MCTP2: variants seen among roughly 807,000 people sequenced by gnomAD.
MCTP2 encodes multiple C2 and transmembrane domain containing 2, also known as multiple C2 and transmembrane domain-containing protein 2.
In MCTP2, 132 loss-of-function variants were observed where a neutral mutation model predicts 111.6. The ratio of observed to expected loss-of-function variants is 1.18; its 90% CI spans 1.03 to 1.37. The LOEUF is 1.37. Among genes scored for constraint, MCTP2 ranks in the 40% most tolerant of loss-of-function variants. The pLI is 0.00. For missense variants in MCTP2, 1,183 were observed against 1,067.9 expected (o/e 1.11, Z -1.50); for synonymous variants, 395 against 387.7 (o/e 1.02, Z -0.22).
At chr15:94,233,736 ATTTC>A (rs1488467559) in intron 1 of MCTP2, among the ~76,000 whole-genome samples, 5 of 152,304 alleles carry the variant, frequency 3.3e-5, no homozygotes, top group African/African-American at 1.2e-4. Flanking sequence ...ACAACTGACA[ATTTC>A]TTTAAGTGCA....
intron 19 of MCTP2, among the ~76,000 whole-genome samples, chr15:94,456,652 AAAAGT>A (rs1222131704): frequency 6.6e-6 from 1 of 152,230 alleles, no homozygotes; most frequent in African/African-American, 2.4e-5. Flanking sequence ...ATTAGGATAA[AAAAGT>A]AAAAGTATCT....
At chr15:94,414,268 A>G (rs114464422) in intron 17 of MCTP2, among the ~76,000 whole-genome samples, 2,471 of 152,184 alleles carry the variant, frequency 0.016, 78 homozygotes, top group African/African-American at 0.056. Flanking sequence ...AATTTTTTTT[A>G]TGATATAATA....
At chr15:94,437,201 G>A (rs563712435) in intron 17 of MCTP2, among the ~76,000 whole-genome samples, 4 of 145,504 alleles carry the variant, frequency 2.7e-5, no homozygotes, top group East Asian at 2.0e-4. Flanking sequence ...TAGGAGGAAC[G>A]TAACATATAG....
At chr15:94,474,861 T>TC (rs1472278923) in intron 21 of MCTP2, among the ~76,000 whole-genome samples, 1 of 148,312 alleles carries the variant, frequency 6.7e-6, no homozygotes, top group East Asian at 1.9e-4. Flanking sequence ...TATCCTAAGT[T>TC]TTTTTTTTTC....
At chr15:94,264,097 T>G (rs2073364130) in intron 1 of MCTP2, among the ~76,000 whole-genome samples, 1 of 152,136 alleles carries the variant, frequency 6.6e-6, no homozygotes, top group Admixed American at 6.6e-5. Flanking sequence ...CTACTTCCAC[T>G]TGAACAAGTG....
At position 94,379,056 on chromosome 15, in the gene MCTP2, G is replaced by GTT. The variant is rs1196936486; in HGVS notation, c.1583-4961_1583-4960dup. 8.0e-3 allele frequency among the ~76,000 whole-genome samples: 1,201 copies of GTT among 150,648 alleles called. 9 individuals carry two copies. Among genetic ancestry groups the GTT allele is most frequent in the African/African-American group, 0.029 (1,156 of 40,282 alleles). On this transcript the variant is annotated intron_variant, in intron 12 of 22. Transcript: ENST00000357742. ...AGGTTAAACTAGGCCTGAGAAGTTA[G>GTT]TTTTTTGTTTTTTGTTTTTTTTTTT... is the stretch of plus-strand genomic sequence containing the variant.
intron 19 of MCTP2, among the ~76,000 whole-genome samples, chr15:94,450,172 G>A (rs2084353527): frequency 6.6e-6 from 1 of 151,892 alleles, no homozygotes; most frequent in Admixed American, 6.6e-5. Flanking sequence ...TGAACAGATA[G>A]AGCAATATAA....
chr15:94,341,016 G>A, intron 7 of MCTP2, 92 bp downstream of exon 7: 1 of 796,500 alleles, frequency 1.3e-6, no homozygotes, highest in Non-Finnish European at 2.2e-6. Flanking sequence ...GCAGATGACT[G>A]ATGTTTTTGC....
In MCTP2 at chr15:94,407,812, CACACAT is replaced by C. The variant is rs1007062509; in HGVS notation, c.2085+5794_2085+5799del. 1.9e-4 allele frequency among the ~76,000 whole-genome samples: 28 copies of C among 144,230 alleles called. No individual in the cohort carries two copies. In the East Asian group the frequency reaches 3.0e-3, roughly 16 times the overall value. 94.6% of individuals were successfully genotyped at this position (144,230 alleles called of 152,430 possible). A position where few individuals can be genotyped will look rare whatever the true frequency, so the allele number is the denominator to read the frequency against. On this transcript the variant is annotated intron_variant, in intron 17 of 22. Transcript: ENST00000357742. ...ACACACACACACACACACACACACA[CACACAT>C]GCATGAACACGAAGAAGCAGAGGAC... is the stretch of plus-strand genomic sequence containing the variant.
rs145133048 is a variant in MCTP2, at chr15:94,349,066, GTCAA to G, written c.1005+3913_1005+3916del. Among the ~76,000 whole-genome samples, 1,450 of 152,052 alleles carry G rather than the reference GTCAA, an allele frequency of 9.5e-3. 36 individuals carry two copies. The highest frequency in any genetic ancestry group is 0.033 in the African/African-American group (1,375 of 41,450). ...TCTGTCTTCTATCTCTATTTCATCTGTCAATCAATCAATCTAAATGTCACACTGC... is the reference window on the plus strand; with the variant it reads ...TCTGTCTTCTATCTCTATTTCATCTGTCAATCAATCTAAATGTCACACTGC... On this transcript the variant is annotated intron_variant, in intron 8 of 22. Coordinates refer to ENST00000357742, the MANE Select transcript of MCTP2 (RefSeq NM_001385001.1).
intron 10 of MCTP2, among the ~76,000 whole-genome samples, chr15:94,364,686 A>G (rs955038739): frequency 6.6e-6 from 1 of 151,922 alleles, no homozygotes; most frequent in Admixed American, 6.5e-5. Context: ...ATTTTGGTTA[A>G]CATTATTTGC....
intron 1 of MCTP2, among the ~76,000 whole-genome samples, chr15:94,287,918 T>A (rs1383350362): frequency 2.0e-5 from 3 of 152,092 alleles, no homozygotes; most frequent in African/African-American, 7.2e-5. Flanking sequence ...AAAAGGGAAG[T>A]CCTGAAGCTA....
intron 4 of MCTP2, among the ~76,000 whole-genome samples, chr15:94,319,678 T>C (rs2076539398): frequency 6.6e-6 from 1 of 152,210 alleles, no homozygotes; most frequent in South Asian, 2.1e-4. Context: ...CTTGATTATG[T>C]TAGCCAGACA....
At chr15:94,255,608 C>A (rs974183460) in intron 1 of MCTP2, among the ~76,000 whole-genome samples, 15 of 152,108 alleles carry the variant, frequency 9.9e-5, no homozygotes, top group Admixed American at 8.5e-4. Context: ...CGTTGCATCT[C>A]GTGAAGAATC....
chr15:94,416,260 T>G (rs547153332), intron 17 of MCTP2, among the ~76,000 whole-genome samples: 1 of 152,060 alleles, frequency 6.6e-6, no homozygotes, highest in Non-Finnish European at 1.5e-5. Context: ...AGGATTTTTT[T>G]TTTTGTTTTA....
At chr15:94,331,048 T>C in intron 4 of MCTP2, among the ~76,000 whole-genome samples, 1 of 152,210 alleles carries the variant, frequency 6.6e-6, no homozygotes, top group Non-Finnish European at 1.5e-5. Context: ...CATATGTTTT[T>C]AATGACCACT....
In MCTP2 at chr15:94,404,031, G is replaced by A. The variant is rs192093968; in HGVS notation, c.2085+2012G>A. ...GGAATAAAAGTGCTCACTTAAACTCGTTTTCAGTTTTAATTTAAAACTCTA... is the reference window on the plus strand; with the variant it reads ...GGAATAAAAGTGCTCACTTAAACTCATTTTCAGTTTTAATTTAAAACTCTA... On this transcript the variant is annotated intron_variant, in intron 17 of 22. Transcript: ENST00000357742. 3.3e-5 allele frequency among the ~76,000 whole-genome samples: 5 copies of A among 152,236 alleles called. No individual in the cohort carries two copies. The South Asian group carries it at 8.3e-4, about 25-fold the overall frequency.
intron 1 of MCTP2, among the ~76,000 whole-genome samples, chr15:94,297,285 C>G (rs2075317908): frequency 6.6e-6 from 1 of 152,132 alleles, no homozygotes; most frequent in East Asian, 1.9e-4. Flanking sequence ...CAGCATTTAC[C>G]CTACTCTGTA....
intron 7 of MCTP2, chr15:94,341,146 T>C: frequency 2.1e-6 from 1 of 481,604 alleles, no homozygotes; most frequent in East Asian, 3.4e-5. Flanking sequence ...TTTTGTGTTA[T>C]TAAGATGATC....
Sources: gnomAD v4.1 joint callset for allele counts (sites outside exome capture counted in the v4.1 genomes callset) on GRCh38, gnomAD v4.1.1 for gene constraint, MANE v1.5 for transcripts, NCBI Gene and HGNC (gene_info 2026-07-23, HGNC 2026-07-21) for gene names.